PLXDC2: variants seen among roughly 807,000 people sequenced by gnomAD.
PLXDC2 encodes the protein plexin domain-containing protein 2.
A neutral mutation model predicts 68.9 loss-of-function variants in PLXDC2; 40 were observed. The ratio of observed to expected loss-of-function variants is 0.58; its 90% CI spans 0.45 to 0.76. The LOEUF is 0.76. Ranked by LOEUF, PLXDC2 falls within the 30% of genes least tolerant of loss-of-function variation. The probability of loss-of-function intolerance (pLI) is 0.00; values close to 1 mark genes in which losing one functional copy is unlikely to be tolerated. For missense variants in PLXDC2, 644 were observed against 661.9 expected (o/e 0.97, Z 0.30); for synonymous variants, 243 against 234.2 (o/e 1.04, Z -0.34).
At chr10:19,841,343 C>T (rs886696091) in intron 1 of PLXDC2, among the ~76,000 whole-genome samples, 1 of 152,078 alleles carries the variant, frequency 6.6e-6, no homozygotes, top group Non-Finnish European at 1.5e-5. Context: ...TGGTTTTCTA[C>T]CTTTTTCACT....
chr10:20,133,919 C>G (rs760821620), intron 4 of PLXDC2, among the ~76,000 whole-genome samples: 4 of 152,156 alleles, frequency 2.6e-5, no homozygotes, highest in Non-Finnish European at 4.4e-5. Flanking sequence ...TGTTGCTCCT[C>G]TTACCAGGTA....
intron 1 of PLXDC2, among the ~76,000 whole-genome samples, chr10:19,820,238 G>C (rs1243890793): frequency 2.0e-5 from 3 of 152,170 alleles, no homozygotes; most frequent in Non-Finnish European, 2.9e-5. Context: ...ACTCTTGTCA[G>C]GGAGAATGTA....
At chr10:19,952,935 G>A (rs1434476187) in intron 1 of PLXDC2, among the ~76,000 whole-genome samples, 1 of 151,868 alleles carries the variant, frequency 6.6e-6, no homozygotes, top group Non-Finnish European at 1.5e-5. Flanking sequence ...GATGATCTCA[G>A]CTCACTGCAA....
chr10:20,170,349 C>T (rs1395261613), intron 7 of PLXDC2, among the ~76,000 whole-genome samples: 1 of 152,114 alleles, frequency 6.6e-6, no homozygotes, highest in Non-Finnish European at 1.5e-5. Context: ...TCCACCACGC[C>T]CAGCTAATTT....
intron 1 of PLXDC2, among the ~76,000 whole-genome samples, chr10:19,873,114 T>C (rs1589512361): frequency 6.6e-6 from 1 of 152,326 alleles, no homozygotes; most frequent in Non-Finnish European, 1.5e-5. Flanking sequence ...TGCTCCAAAG[T>C]GCACTGAAGT....
chr10:19,983,454 A>G (rs977428376), intron 1 of PLXDC2, among the ~76,000 whole-genome samples: 3 of 152,162 alleles, frequency 2.0e-5, no homozygotes, highest in African/African-American at 7.2e-5. Flanking sequence ...ATGCCTACTT[A>G]ACTTTTTTGG....
chr10:19,836,922 C>T (rs1408685664), intron 1 of PLXDC2, among the ~76,000 whole-genome samples: 1 of 152,110 alleles, frequency 6.6e-6, no homozygotes, highest in African/African-American at 2.4e-5. Context: ...ATATTAGGTA[C>T]TCAGTAAGCA....
At chr10:20,059,140 ACT>A (rs1225390021) in intron 3 of PLXDC2, among the ~76,000 whole-genome samples, 3 of 151,824 alleles carry the variant, frequency 2.0e-5, no homozygotes, top group African/African-American at 7.3e-5. Context: ...AGCTTGGAGA[ACT>A]CTCTTGACTT....
intron 3 of PLXDC2, among the ~76,000 whole-genome samples, chr10:20,052,484 A>G (rs1589606285): frequency 6.6e-6 from 1 of 152,170 alleles, no homozygotes; most frequent in Middle Eastern, 3.4e-3. Context: ...AAACACACAC[A>G]TACTTCATAT....
intron 4 of PLXDC2, among the ~76,000 whole-genome samples, chr10:20,121,501 C>G (rs1002538578): frequency 4.6e-5 from 7 of 152,140 alleles, no homozygotes; most frequent in Non-Finnish European, 8.8e-5. Flanking sequence ...TTGGGCTTGA[C>G]TGAAGTAATG....
intron 1 of PLXDC2, among the ~76,000 whole-genome samples, chr10:19,832,990 T>G (rs996839087): frequency 3.3e-5 from 5 of 152,198 alleles, no homozygotes; most frequent in African/African-American, 1.2e-4. Flanking sequence ...GCAGTAAAAT[T>G]ACTCATCTCT....
intron 13 of PLXDC2, among the ~76,000 whole-genome samples, chr10:20,271,534 G>C: frequency 6.6e-6 from 1 of 152,148 alleles, no homozygotes; most frequent in Non-Finnish European, 1.5e-5. Context: ...TTGACACTGG[G>C]TGAACCTGAA....
At chr10:19,999,539 T>G (rs187569507) in intron 1 of PLXDC2, among the ~76,000 whole-genome samples, 64 of 152,266 alleles carry the variant, frequency 4.2e-4, no homozygotes, top group African/African-American at 1.5e-3. Flanking sequence ...ATTTCTTATC[T>G]AGGTTGACAT....
intron 1 of PLXDC2, among the ~76,000 whole-genome samples, chr10:19,841,543 T>TG (rs992734598): frequency 2.6e-5 from 4 of 151,458 alleles, no homozygotes; most frequent in African/African-American, 9.7e-5. Flanking sequence ...CAGGGTTTTT[T>TG]TTTTTTTTTT....
At chr10:20,039,665 C>T (rs1835643946) in intron 2 of PLXDC2, among the ~76,000 whole-genome samples, 1 of 151,972 alleles carries the variant, frequency 6.6e-6, no homozygotes. Flanking sequence ...CAATTAATAC[C>T]TTTGAGCATC....
chr10:20,116,261 T>A (rs538360112), intron 4 of PLXDC2, among the ~76,000 whole-genome samples: 7 of 152,186 alleles, frequency 4.6e-5, no homozygotes, highest in Non-Finnish European at 1.0e-4. Flanking sequence ...AAGATTCTTT[T>A]TCCCCCCCGG....
chr10:20,134,800 T>G (rs974980514), intron 4 of PLXDC2, among the ~76,000 whole-genome samples: 3 of 152,020 alleles, frequency 2.0e-5, no homozygotes, highest in Non-Finnish European at 4.4e-5. Context: ...GGTTTTGGGG[T>G]GGGCCTGGAG....
At chr10:20,137,944 G>C (rs1185996757) in intron 4 of PLXDC2, among the ~76,000 whole-genome samples, 3 of 152,114 alleles carry the variant, frequency 2.0e-5, no homozygotes, top group Non-Finnish European at 4.4e-5. Flanking sequence ...GATGACATCT[G>C]GTCCAGGGTT....
intron 13 of PLXDC2, among the ~76,000 whole-genome samples, chr10:20,254,162 C>T (rs1835713888): frequency 6.6e-6 from 1 of 152,100 alleles, no homozygotes; most frequent in African/African-American, 2.4e-5. Context: ...AGGGGATTCC[C>T]CATCCCAAGA....
Sources: allele counts gnomAD v4.1 joint callset (sites outside exome capture counted in the v4.1 genomes callset), GRCh38; gene constraint gnomAD v4.1.1; transcripts MANE v1.5; gene names NCBI Gene and HGNC (gene_info 2026-07-23, HGNC 2026-07-21).